Variants in RCSD1 observed in about 807,000 individuals in gnomAD.
RCSD1 encodes capZ-interacting protein.
Under a neutral mutation model 42.5 loss-of-function variants are expected in RCSD1, and 26 were observed. The observed-to-expected ratio is 0.61, with a 90% CI of 0.45 to 0.85. RCSD1 has a LOEUF of 0.85. Among genes scored for constraint, RCSD1 ranks in the 40% least tolerant of loss-of-function variants. The pLI is 0.00. For missense variants in RCSD1, 571 were observed against 528.3 expected, an observed-to-expected ratio of 1.08 and a Z score of -0.79; for synonymous variants, 220 against 212.2, an observed-to-expected ratio of 1.04 and a Z score of -0.32.
chr1:167,661,277 G>A (rs990472350), intron 1 of RCSD1, among the ~76,000 whole-genome samples: 6 of 152,188 alleles, frequency 3.9e-5, no homozygotes, highest in African/African-American at 7.2e-5. Context: ...GGTCCCTGCC[G>A]TGAAGTGCAG....
intron 3 of RCSD1, among the ~76,000 whole-genome samples, chr1:167,688,315 C>T (rs1659286722): frequency 6.6e-6 from 1 of 152,152 alleles, no homozygotes; most frequent in Non-Finnish European, 1.5e-5. Flanking sequence ...TGAGCTTTAT[C>T]AGCAAAATTG....
rs569560725 is a variant in RCSD1 at position 167,708,243 on chromosome 1, C to G, written c.*3547C>G. Among the ~76,000 whole-genome samples, 7 of 152,234 alleles carry G rather than the reference C, an allele frequency of 4.6e-5. No individual in the cohort carries two copies. The East Asian group carries it at 1.3e-3, about 29-fold the overall frequency. On this transcript the variant is annotated 3_prime_UTR_variant, in exon 7 of 7. Transcript: ENST00000367854. ...CTTGCAAAGGTGAGCAAGAAGATTC[C>G]CCAAAGTGAAATCAGGGTGCTGTTA...
chr1:167,685,022 ATCAGGT>A (rs1659192042), intron 2 of RCSD1, among the ~76,000 whole-genome samples: 1 of 152,190 alleles, frequency 6.6e-6, no homozygotes, highest in Non-Finnish European at 1.5e-5. Flanking sequence ...CATCTGAAAG[ATCAGGT>A]TCATAATTTC....
intron 4 of RCSD1, among the ~76,000 whole-genome samples, chr1:167,693,427 G>A (rs537901532): frequency 5.9e-5 from 9 of 152,200 alleles, no homozygotes; most frequent in East Asian, 1.9e-4. Flanking sequence ...CATTTTGATC[G>A]GGTCACACCT....
chr1:167,641,251 G>A (rs1170717248), intron 1 of RCSD1: 1 of 152,080 alleles, frequency 6.6e-6, no homozygotes, highest in African/African-American at 2.4e-5. Flanking sequence ...AGATAACTAT[G>A]GTGTAAGCAG....
chr1:167,686,109 A>G (rs571528791), intron 3 of RCSD1, among the ~76,000 whole-genome samples: 1 of 152,208 alleles, frequency 6.6e-6, no homozygotes, highest in Non-Finnish European at 1.5e-5. Flanking sequence ...CTTAGCCTGC[A>G]TATTCTCCTA....
chr1:167,696,522 G>A (rs1659501601), intron 5 of RCSD1, among the ~76,000 whole-genome samples: 2 of 151,338 alleles, frequency 1.3e-5, no homozygotes, highest in African/African-American at 2.4e-5. Context: ...TGTGATGACA[G>A]CTCACTGCAG....
chr1:167,665,291 G>A (rs551732652), intron 1 of RCSD1, among the ~76,000 whole-genome samples: 1 of 152,296 alleles, frequency 6.6e-6, no homozygotes, highest in African/African-American at 2.4e-5. Flanking sequence ...GTGTGTATCA[G>A]TAGTTTGTTC....
At chr1:167,676,478 T>C (rs1462929264) in intron 1 of RCSD1, among the ~76,000 whole-genome samples, 1 of 152,284 alleles carries the variant, frequency 6.6e-6, no homozygotes, top group Non-Finnish European at 1.5e-5. Context: ...GAAGCAAGAC[T>C]GAAACCCAGA....
At chr1:167,681,923 C>T (rs1056846047) in intron 1 of RCSD1, among the ~76,000 whole-genome samples, 4 of 152,212 alleles carry the variant, frequency 2.6e-5, no homozygotes, top group Non-Finnish European at 5.9e-5. Context: ...CAGTGGGGAA[C>T]TCATCAGGGT....
At chr1:167,697,024 TG>T in intron 5 of RCSD1, 74 bp from the exon 6 acceptor site, 2 of 1,392,708 alleles carry the variant, frequency 1.4e-6, no homozygotes, top group Non-Finnish European at 2.0e-6. Context: ...AGACTGACAT[TG>T]AAAGTGCATA....
rs1348265567 is a variant in RCSD1, at chr1:167,697,703, A to T, written c.1079A>T (p.Asp360Val). Residue 360 changes from aspartate to valine, a missense_variant, in exon 6 of 7, where the codon GAT becomes GTT. Asp to Val is a radical substitution (Grantham distance 152). Transcript: ENST00000367854. Reference protein sequence around the residue: ...HSPPGGVKGGDVPKQEKGKEK... With the variant: ...HSPPGGVKGGVVPKQEKGKEK... ...CCCCCTGGAGGAGTGAAGGGCGGAG[A>T]TGTCCCCAAGCAGGAAAAAGGCAAG... The T allele has an allele frequency of 6.2e-7, 1 of 1,600,844 alleles. No individual in the cohort carries two copies. The highest frequency in any genetic ancestry group is 1.1e-5 in the South Asian group (1 of 88,732).
rs114626977 is a variant in RCSD1, at chr1:167,688,008, T to C, written c.199-2041T>C. Among the ~76,000 whole-genome samples the C allele has an allele frequency of 2.5e-3, 376 of 152,128 alleles. 1 individual carries two copies. Among genetic ancestry groups the C allele is most frequent in the Non-Finnish European group, 4.1e-3 (280 of 68,012 alleles). ...ATGTAAATACAGCTATATATATACA[T>C]ATACAGGGATGGAAGGCTGGTTTTT... On this transcript the variant is annotated intron_variant, in intron 3 of 6. Coordinates refer to ENST00000367854, the MANE Select transcript of RCSD1 (RefSeq NM_052862.4).
intron 1 of RCSD1, among the ~76,000 whole-genome samples, chr1:167,655,015 A>G (rs999368956): frequency 3.9e-5 from 6 of 152,018 alleles, no homozygotes; most frequent in African/African-American, 1.4e-4. Context: ...GCTGCACTTC[A>G]TGGCTCCCAG....
rs756476393 is a variant in RCSD1, at chr1:167,694,061, C to A, written c.271-38C>A. 65 of 1,602,596 alleles carry A rather than the reference C, an allele frequency of 4.1e-5. No individual in the cohort carries two copies. The African/African-American group carries it at 6.7e-4, about 17-fold the overall frequency. On this transcript the variant is annotated intron_variant, in intron 4 of 6. Transcript: ENST00000367854. ...CTAAAGTAGAGGCTCTGATCTTCTC[C>A]CTAGTCCTATTTGAAATTGTTCATC...
At chr1:167,634,962 GTGTGTGTGTA>G (rs1558069376) in intron 1 of RCSD1, among the ~76,000 whole-genome samples, 1 of 127,218 alleles carries the variant, frequency 7.9e-6, no homozygotes, top group Non-Finnish European at 1.7e-5. Context: ...GTGTGTGTGT[GTGTGTGTGTA>G]CATATTGGTG....
intron 1 of RCSD1, among the ~76,000 whole-genome samples, chr1:167,632,042 G>A (rs1657714331): frequency 6.6e-6 from 1 of 152,208 alleles, no homozygotes; most frequent in Non-Finnish European, 1.5e-5. Flanking sequence ...GGCTGGCGGT[G>A]AGGCACGCAC....
At chr1:167,633,072 G>T (rs1657745598) in intron 1 of RCSD1, among the ~76,000 whole-genome samples, 2 of 152,148 alleles carry the variant, frequency 1.3e-5, no homozygotes, top group Non-Finnish European at 2.9e-5. Flanking sequence ...ACCAAAGAGG[G>T]TTACTCAATA....
intron 1 of RCSD1, among the ~76,000 whole-genome samples, chr1:167,637,201 A>G (rs1657882303): frequency 6.6e-6 from 1 of 152,176 alleles, no homozygotes; most frequent in African/African-American, 2.4e-5. Context: ...GAGTGACAAG[A>G]GCAAAGCTAC....
Sources: allele counts gnomAD v4.1 joint callset (sites outside exome capture counted in the v4.1 genomes callset), GRCh38; gene constraint gnomAD v4.1.1; transcripts MANE v1.5; gene names NCBI Gene and HGNC (gene_info 2026-07-23, HGNC 2026-07-21).